The following SCFD2 variants were observed in gnomAD, a reference collection of about 807,000 sequenced individuals.
SCFD2 encodes the protein sec1 family domain-containing protein 2.
Under a neutral mutation model 58.9 loss-of-function variants are expected in SCFD2, and 54 were observed. That is an observed-to-expected ratio of 0.92 (90% confidence interval 0.74 to 1.15). The LOEUF (loss-of-function observed/expected upper bound fraction) is 1.15, where lower values mean the gene tolerates loss of function less well. SCFD2 is among the 50% of genes most tolerant of loss of function. SCFD2 has a pLI of 0.00. For missense variants in SCFD2, 805 were observed against 836.6 expected (o/e 0.96, Z 0.47); for synonymous variants, 321 against 335.9 (o/e 0.96, Z 0.49).
intron 4 of SCFD2, among the ~76,000 whole-genome samples, chr4:53,166,435 C>T (rs1727010876): frequency 6.6e-6 from 1 of 152,078 alleles, no homozygotes; most frequent in South Asian, 2.1e-4. Flanking sequence ...ATTCACTTTG[C>T]ATTGGAAATG....
At chr4:53,217,994 G>A (rs543827653) in intron 4 of SCFD2, among the ~76,000 whole-genome samples, 3 of 152,286 alleles carry the variant, frequency 2.0e-5, no homozygotes, top group East Asian at 1.9e-4. Context: ...GGCTTGTAGC[G>A]TTTCTGCCAA....
At chr4:53,137,472 T>C (rs1725977218) in intron 5 of SCFD2, among the ~76,000 whole-genome samples, 1 of 152,218 alleles carries the variant, frequency 6.6e-6, no homozygotes, top group African/African-American at 2.4e-5. Flanking sequence ...ATATGGTAAA[T>C]TTTTCATTGT....
chr4:53,365,508 C>G lies in SCFD2; in HGVS notation c.434G>C (p.Gly145Ala). 6.2e-7 allele frequency: 1 copy of G among 1,614,188 alleles called. No individual in the cohort carries two copies. Among genetic ancestry groups the G allele is most frequent in the Middle Eastern group, 1.6e-4 (1 of 6,062 alleles). Residue 145 changes from glycine to alanine, a missense_variant, in exon 1 of 9, where the codon GGC becomes GCC. Gly to Ala is a moderately conservative substitution (Grantham distance 60). Transcript: ENST00000401642. This position sits in a 1 kb window ranked among gnomAD's most constrained non-coding sequence, Gnocchi z 4.3. ...CACCTCGGCCGTGTAGTTCATGTTGCCCATCCATTCACACAGCTTCTCCTC... is the reference window on the plus strand; with the variant it reads ...CACCTCGGCCGTGTAGTTCATGTTGGCCATCCATTCACACAGCTTCTCCTC... ...QLEEKLCEWMGNMNYTAEVFH... is the reference protein window; with the variant it reads ...QLEEKLCEWMANMNYTAEVFH...
At chr4:53,132,761 A>T (rs147057696) in intron 5 of SCFD2, among the ~76,000 whole-genome samples, 2 of 152,352 alleles carry the variant, frequency 1.3e-5, no homozygotes, top group African/African-American at 4.8e-5. Context: ...GTGTAGAATC[A>T]GTCTTCCAGT....
intron 5 of SCFD2, among the ~76,000 whole-genome samples, chr4:53,083,353 A>G (rs904683739): frequency 6.6e-6 from 1 of 152,114 alleles, no homozygotes; most frequent in Non-Finnish European, 1.5e-5. Flanking sequence ...ATCTTATTAA[A>G]AATTGGAGGA....
intron 2 of SCFD2, among the ~76,000 whole-genome samples, chr4:53,329,932 G>A (rs1281766932): frequency 1.3e-5 from 2 of 151,962 alleles, no homozygotes; most frequent in African/African-American, 2.4e-5. Context: ...CAAGGCTCGA[G>A]AACTACATGA....
chr4:53,269,311 G>C (rs1731088808), intron 4 of SCFD2, among the ~76,000 whole-genome samples: 1 of 152,028 alleles, frequency 6.6e-6, no homozygotes. Context: ...GTGATAGAGT[G>C]AGACCCTGTC....
At chr4:53,286,826 T>C (rs1175621795) in intron 3 of SCFD2, among the ~76,000 whole-genome samples, 1 of 152,102 alleles carries the variant, frequency 6.6e-6, no homozygotes, top group African/African-American at 2.4e-5. Flanking sequence ...TAAAGTTGTG[T>C]ACCCCCATTC....
At chr4:53,065,046 T>A (rs1723618287) in intron 5 of SCFD2, among the ~76,000 whole-genome samples, 1 of 152,046 alleles carries the variant, frequency 6.6e-6, no homozygotes, top group South Asian at 2.1e-4. Context: ...TTTCCAGTAG[T>A]TATACAAGGC....
At chr4:53,329,719 C>A (rs1733361742) in intron 2 of SCFD2, among the ~76,000 whole-genome samples, 1 of 152,138 alleles carries the variant, frequency 6.6e-6, no homozygotes, top group Non-Finnish European at 1.5e-5. Context: ...CAGTTCCTCA[C>A]CAGCAACGGA....
intron 4 of SCFD2, among the ~76,000 whole-genome samples, chr4:53,146,771 A>C (rs561990428): frequency 9.2e-5 from 14 of 152,306 alleles, no homozygotes; most frequent in African/African-American, 2.9e-4. Flanking sequence ...CCCATTCCTA[A>C]AACTTTTAGT....
chr4:53,263,426 C>T (rs1577911867), intron 4 of SCFD2, among the ~76,000 whole-genome samples: 1 of 152,140 alleles, frequency 6.6e-6, no homozygotes, highest in Admixed American at 6.5e-5. Flanking sequence ...CAGATTATTT[C>T]GTCTCATGGG....
rs1718392179 is a variant in SCFD2 at position 52,873,246 on chromosome 4, T to C, written c.*723A>G. ...TTAGACTCCCTGGGACCAGGTATCT[T>C]GTACTGGAGTCTTTCTTTGGAGGGG... is the stretch of plus-strand genomic sequence containing the variant. On this transcript the variant is annotated 3_prime_UTR_variant, in exon 9 of 9. Coordinates refer to ENST00000401642, the MANE Select transcript of SCFD2 (RefSeq NM_152540.4). 1 of 152,260 alleles carries C rather than the reference T, an allele frequency of 6.6e-6. No homozygotes were observed. Among genetic ancestry groups the C allele is most frequent in the Non-Finnish European group, 1.5e-5 (1 of 68,044 alleles). 9.4% of individuals were successfully genotyped at this position (152,260 alleles called of 1,614,324 possible). A position where few individuals can be genotyped will look rare whatever the true frequency, so the allele number is the denominator to read the frequency against.
At chr4:53,049,355 T>A (rs139250525) in intron 5 of SCFD2, among the ~76,000 whole-genome samples, 44 of 152,070 alleles carry the variant, frequency 2.9e-4, no homozygotes, top group Non-Finnish European at 4.7e-4. Context: ...AGATTATTGG[T>A]ACTAATAGTA....
chr4:53,077,061 G>A (rs904569978), intron 5 of SCFD2, among the ~76,000 whole-genome samples: 1 of 152,056 alleles, frequency 6.6e-6, no homozygotes, highest in African/African-American at 2.4e-5. Context: ...CTTCCTATAA[G>A]GAAGAACACT....
intron 4 of SCFD2, among the ~76,000 whole-genome samples, chr4:53,212,829 T>G (rs1728664251): frequency 6.6e-6 from 1 of 151,972 alleles, no homozygotes; most frequent in Admixed American, 6.6e-5. Context: ...CAAGTGAACC[T>G]TAACTCATCA....
intron 5 of SCFD2, among the ~76,000 whole-genome samples, chr4:53,144,061 T>C (rs1482306761): frequency 6.6e-6 from 1 of 152,170 alleles, no homozygotes; most frequent in Non-Finnish European, 1.5e-5. Flanking sequence ...TAATCATATT[T>C]CCCTAAAATT....
chr4:52,976,709 C>A lies in SCFD2; in HGVS notation c.1562-55839G>T, dbSNP rs533687634. ...TCACTGAGGCATTGATTTGAATGTTCCACTGTGGATAACAAGTGTGGCAGC... is the reference window on the plus strand; with the variant it reads ...TCACTGAGGCATTGATTTGAATGTTACACTGTGGATAACAAGTGTGGCAGC... On this transcript the variant is annotated intron_variant, in intron 5 of 8. Transcript: ENST00000401642. 3.8e-4 allele frequency among the ~76,000 whole-genome samples: 58 copies of A among 152,266 alleles called. No homozygotes were observed. In the South Asian group the frequency reaches 0.012, roughly 31 times the overall value.
At chr4:53,162,656 T>C (rs549782199) in intron 4 of SCFD2, among the ~76,000 whole-genome samples, 2 of 151,780 alleles carry the variant, frequency 1.3e-5, no homozygotes, top group East Asian at 3.9e-4. Context: ...TGGTATCTCA[T>C]TGTGGACACA....
Sources: gnomAD v4.1 joint callset for allele counts (sites outside exome capture counted in the v4.1 genomes callset) on GRCh38, gnomAD v4.1.1 for gene constraint, Gnocchi (gnomAD v3.1) non-coding constraint, MANE v1.5 for transcripts, NCBI Gene and HGNC (gene_info 2026-07-23, HGNC 2026-07-21) for gene names.